UNC79: variants seen among roughly 807,000 people sequenced by gnomAD.
UNC79 encodes protein unc-79 homolog.
A neutral mutation model predicts 283.1 loss-of-function variants in UNC79; 37 were observed. That is an observed-to-expected ratio of 0.13 (90% CI 0.10 to 0.17). UNC79 has a LOEUF of 0.17. UNC79 is among the 10% of genes least tolerant of loss of function. UNC79 has a pLI of 1.00. For synonymous variants in UNC79, 1,107 were observed against 1,200.2 expected (o/e 0.92, Z 1.61); for missense variants, 2,272 against 3,211.1 (o/e 0.71, Z 7.07).
At chr14:93,520,436 G>A (rs987905327) in intron 7 of UNC79, among the ~76,000 whole-genome samples, 8 of 151,558 alleles carry the variant, frequency 5.3e-5, no homozygotes, top group Admixed American at 5.3e-4. Flanking sequence ...TGGATTTGGG[G>A]GTTGTTTTCA....
chr14:93,497,051 C>A, intron 6 of UNC79, 106 bp from the exon 7 acceptor site: 1 of 1,289,854 alleles, frequency 7.8e-7, no homozygotes, highest in Non-Finnish European at 1.1e-6. Context: ...AAATTACTCA[C>A]CTCAATCCCT....
intron 1 of UNC79, chr14:93,347,505 TC>T: frequency 8.0e-7 from 1 of 1,243,774 alleles, no homozygotes; most frequent in Non-Finnish European, 1.0e-6. Flanking sequence ...CGTGGGAGGC[TC>T]TTGTGGCTTG....
At chr14:93,600,390 T>C (rs1418699102) in intron 24 of UNC79, among the ~76,000 whole-genome samples, 179 bp from the exon 25 acceptor site, 1 of 152,230 alleles carries the variant, frequency 6.6e-6, no homozygotes, top group Non-Finnish European at 1.5e-5. Flanking sequence ...TCTACATTTT[T>C]CTTTCCTACC....
intron 47 of UNC79, among the ~76,000 whole-genome samples, chr14:93,699,953 T>C (rs1457205562): frequency 6.6e-6 from 1 of 152,222 alleles, no homozygotes; most frequent in Non-Finnish European, 1.5e-5. Context: ...TAAAGTCTCC[T>C]GTGCAGGTCA....
intron 14 of UNC79, among the ~76,000 whole-genome samples, chr14:93,558,466 G>T (rs2062316999): frequency 6.6e-6 from 1 of 151,620 alleles, no homozygotes; most frequent in Non-Finnish European, 1.5e-5. Flanking sequence ...TGAGGCAGGA[G>T]AATGGCGTGA....
intron 12 of UNC79, among the ~76,000 whole-genome samples, chr14:93,540,320 T>C (rs2061315873): frequency 6.6e-6 from 1 of 152,222 alleles, no homozygotes; most frequent in South Asian, 2.1e-4. Context: ...TCATGATAGA[T>C]ATAGAGGAAG....
At position 93,690,077 on chromosome 14, in the gene UNC79, A is replaced by C; in HGVS notation, c.7086-40A>C. 6.2e-7 allele frequency: 1 copy of C among 1,601,864 alleles called. No homozygotes were observed. The highest frequency in any genetic ancestry group is 1.7e-5 in the Admixed American group (1 of 59,554). On this transcript the variant is annotated intron_variant, in intron 44 of 48. Coordinates refer to ENST00000555664, the Ensembl canonical transcript of UNC79. This position sits in a 1 kb window ranked among gnomAD's most constrained non-coding sequence, Gnocchi z 4.3. ...TTTGTTATGCACCCAATGAAACACA[A>C]AACATAAAATCATCTTTAACACTCC...
intron 41 of UNC79, among the ~76,000 whole-genome samples, chr14:93,673,815 G>T (rs1473869262): frequency 6.6e-6 from 1 of 152,126 alleles, no homozygotes; most frequent in African/African-American, 2.4e-5. Context: ...GGAACAGGCT[G>T]AGGTCTGACT....
intron 7 of UNC79, among the ~76,000 whole-genome samples, chr14:93,507,652 G>T (rs536666702): frequency 1.8e-4 from 28 of 152,086 alleles, no homozygotes; most frequent in Non-Finnish European, 3.5e-4. Flanking sequence ...TTTTATTCCA[G>T]TCTTGGGGTT....
chr14:93,388,535 A>T (rs1446544227), intron 1 of UNC79, among the ~76,000 whole-genome samples: 1 of 152,226 alleles, frequency 6.6e-6, no homozygotes, highest in Non-Finnish European at 1.5e-5. Context: ...ATGTTAATAG[A>T]TATTGCCTGA....
intron 14 of UNC79, among the ~76,000 whole-genome samples, chr14:93,563,286 C>T (rs1419525359): frequency 1.3e-5 from 2 of 152,218 alleles, no homozygotes; most frequent in African/African-American, 2.4e-5. Flanking sequence ...AAGTGTTGCC[C>T]AGAGCAATGG....
chr14:93,513,317 G>A (rs2140885538), intron 7 of UNC79, among the ~76,000 whole-genome samples: 1 of 151,616 alleles, frequency 6.6e-6, no homozygotes, highest in Admixed American at 6.6e-5. Flanking sequence ...GAACTCCTGA[G>A]ATCAAGTGAT....
chr14:93,701,848 TA>T, intron 47 of UNC79, among the ~76,000 whole-genome samples: 1 of 152,192 alleles, frequency 6.6e-6, no homozygotes, highest in Non-Finnish European at 1.5e-5. Context: ...GGGGAAATAA[TA>T]AAAACACTTT....
chr14:93,601,349 G>A (rs1045688382), intron 25 of UNC79, among the ~76,000 whole-genome samples: 5 of 151,508 alleles, frequency 3.3e-5, no homozygotes, highest in African/African-American at 9.7e-5. Flanking sequence ...GAGAACATAC[G>A]ATATTTGGTT....
intron 31 of UNC79, among the ~76,000 whole-genome samples, chr14:93,633,261 T>C (rs1218236910): frequency 6.6e-6 from 1 of 152,218 alleles, no homozygotes; most frequent in African/African-American, 2.4e-5. Flanking sequence ...TAGGTTAATA[T>C]TGACTTTAAG....
At chr14:93,705,202 G>T (rs1457353141) in intron 48 of UNC79, among the ~76,000 whole-genome samples, 1 of 151,894 alleles carries the variant, frequency 6.6e-6, no homozygotes, top group Non-Finnish European at 1.5e-5. Flanking sequence ...CTGCCACTGC[G>T]CTCCAGCTTA....
rs138590853 is a variant in UNC79 at position 93,457,096 on chromosome 14, C to T, written c.23-10575C>T. ...GTTATAGCCAAGATTCAAAACTAGCCCATGAAAGGAAAATAAATTCTAAAC... is the reference window on the plus strand; with the variant it reads ...GTTATAGCCAAGATTCAAAACTAGCTCATGAAAGGAAAATAAATTCTAAAC... On this transcript the variant is annotated intron_variant, in intron 1 of 48. Transcript: ENST00000555664. 1.8e-3 allele frequency among the ~76,000 whole-genome samples: 281 copies of T among 152,252 alleles called. 2 individuals are homozygous for T. Among genetic ancestry groups the T allele is most frequent in the African/African-American group, 6.4e-3 (265 of 41,542 alleles).
At chr14:93,670,122 A>C (rs1236208526) in intron 40 of UNC79, among the ~76,000 whole-genome samples, 1 of 152,214 alleles carries the variant, frequency 6.6e-6, no homozygotes, top group Non-Finnish European at 1.5e-5. Context: ...GGAAAAACTC[A>C]AACTCAAGCC....
chr14:93,512,280 T>A (rs2059862054), intron 7 of UNC79, among the ~76,000 whole-genome samples: 1 of 152,190 alleles, frequency 6.6e-6, no homozygotes, highest in Admixed American at 6.5e-5. Context: ...CCTCTGAATG[T>A]AGTATGATAT....
Sources: gnomAD v4.1 joint callset for allele counts (sites outside exome capture counted in the v4.1 genomes callset) on GRCh38, gnomAD v4.1.1 for gene constraint, Gnocchi (gnomAD v3.1) non-coding constraint, MANE v1.5 for transcripts, NCBI Gene and HGNC (gene_info 2026-07-23, HGNC 2026-07-21) for gene names.